The following TSHZ1 variants were observed in gnomAD, a reference collection of about 807,000 sequenced individuals.
TSHZ1 encodes the protein teashirt homolog 1.
A neutral mutation model predicts 67.1 loss-of-function variants in TSHZ1; 12 were observed. That is an observed-to-expected ratio of 0.18 (90% confidence interval 0.11 to 0.29). The LOEUF (loss-of-function observed/expected upper bound fraction) is 0.29, where lower values mean the gene tolerates loss of function less well. TSHZ1 is among the 10% of genes least tolerant of loss of function. The pLI, the probability that TSHZ1 is intolerant of heterozygous loss-of-function variation, is 1.00. For missense variants in TSHZ1, 1,305 were observed against 1,413.9 expected (o/e 0.92, Z 1.23); for synonymous variants, 632 against 622.4 (o/e 1.02, Z -0.23).
intron 1 of TSHZ1, among the ~76,000 whole-genome samples, chr18:75,216,069 C>T (rs1568350782): frequency 6.6e-6 from 1 of 151,992 alleles, no homozygotes; most frequent in Non-Finnish European, 1.5e-5. Context: ...GCGCCGCCTG[C>T]GTATGCTTTC....
chr18:75,288,627 T>C lies in TSHZ1; in HGVS notation c.3220T>C (p.Leu1074=), dbSNP rs1004893094. The stretch of plus-strand genomic sequence containing the variant: ...GGACCACCTGATCTATGTGACTGAG[T>C]TGGAGAAACAGTAGCGTCCAGGTAT... ...PEDHLIYVTE[L]EKQ is the part of the protein sequence containing the mutation. Residue 1074 remains leucine, a synonymous_variant, in exon 2 of 2, where the codon TTG becomes CTG. Transcript: ENST00000580243. This position sits in a 1 kb window ranked among gnomAD's most constrained non-coding sequence, Gnocchi z 4.9. 15 of 1,595,394 alleles carry C rather than the reference T, an allele frequency of 9.4e-6. No individual in the cohort carries two copies. The highest frequency in any genetic ancestry group is 1.3e-5 in the Non-Finnish European group (15 of 1,171,370).
At chr18:75,240,389 T>A (rs1323322268) in intron 1 of TSHZ1, among the ~76,000 whole-genome samples, 1 of 151,616 alleles carries the variant, frequency 6.6e-6, no homozygotes, top group Non-Finnish European at 1.5e-5. Flanking sequence ...TGACCTTTGG[T>A]CAAGCTTGAA....
intron 1 of TSHZ1, among the ~76,000 whole-genome samples, chr18:75,275,559 T>C (rs760322336): frequency 6.6e-6 from 1 of 152,204 alleles, no homozygotes; most frequent in Non-Finnish European, 1.5e-5. Context: ...GATTTCTAAA[T>C]GTTTCTCATT....
intron 1 of TSHZ1, chr18:75,245,206 C>T (rs959431076): frequency 2.6e-5 from 4 of 152,052 alleles, no homozygotes; most frequent in East Asian, 1.9e-4. Context: ...GAAGAGAAAC[C>T]GGATTGACTT....
At chr18:75,233,427 A>G (rs1392015606) in intron 1 of TSHZ1, among the ~76,000 whole-genome samples, 2 of 152,212 alleles carry the variant, frequency 1.3e-5, no homozygotes, top group South Asian at 2.1e-4. Context: ...TATAGTGACA[A>G]TACTAAAAAG....
chr18:75,254,920 C>A (rs2023345077), intron 1 of TSHZ1, among the ~76,000 whole-genome samples: 1 of 152,112 alleles, frequency 6.6e-6, no homozygotes, highest in South Asian at 2.1e-4. Flanking sequence ...GGGTAAACTC[C>A]CAATTATCCA....
intron 1 of TSHZ1, among the ~76,000 whole-genome samples, chr18:75,239,709 G>T (rs1481364450): frequency 6.6e-6 from 1 of 152,128 alleles, no homozygotes; most frequent in Non-Finnish European, 1.5e-5. Flanking sequence ...TTGCTGTATT[G>T]CCCAGGTTGG....
At chr18:75,279,100 G>C (rs893672370) in intron 1 of TSHZ1, among the ~76,000 whole-genome samples, 1 of 152,118 alleles carries the variant, frequency 6.6e-6, no homozygotes, top group Non-Finnish European at 1.5e-5. Context: ...AGAATGGTGA[G>C]GATGTGCTTT....
At chr18:75,253,851 C>G (rs970219491) in intron 1 of TSHZ1, among the ~76,000 whole-genome samples, 15 of 152,218 alleles carry the variant, frequency 9.9e-5, no homozygotes, top group African/African-American at 3.6e-4. Context: ...AGATATTGTT[C>G]AGATGTGCTG....
chr18:75,216,841 T>C (rs2022775037), intron 1 of TSHZ1, among the ~76,000 whole-genome samples: 1 of 152,014 alleles, frequency 6.6e-6, no homozygotes, highest in Non-Finnish European at 1.5e-5. Context: ...GTCAGGATGG[T>C]ATTGGCTTGG....
At chr18:75,278,626 C>T (rs936106237) in intron 1 of TSHZ1, among the ~76,000 whole-genome samples, 1 of 151,862 alleles carries the variant, frequency 6.6e-6, no homozygotes, top group South Asian at 2.1e-4. Context: ...CGTGAAAGAC[C>T]GGGGGTGGAG....
chr18:75,237,862 G>GA (rs1385773605), intron 1 of TSHZ1, among the ~76,000 whole-genome samples: 4 of 151,472 alleles, frequency 2.6e-5, no homozygotes, highest in African/African-American at 9.7e-5. Context: ...GCCCAGGCTG[G>GA]AGTGCAGTGG....
chr18:75,276,498 A>G (rs544284743), intron 1 of TSHZ1, among the ~76,000 whole-genome samples: 7 of 152,160 alleles, frequency 4.6e-5, no homozygotes, highest in African/African-American at 7.2e-5. Flanking sequence ...TCTAACTTTC[A>G]TCAAAACCAC....
At position 75,286,901 on chromosome 18, in the gene TSHZ1, AAAG is replaced by A. The variant is rs2023776290; in HGVS notation, c.1497_1499del (p.Lys500del). On this transcript the variant is annotated inframe_deletion, in exon 2 of 2. Transcript: ENST00000580243. The surrounding 1 kb of genome is among the most constrained non-coding windows in gnomAD (Gnocchi z 5.1). ...CCGCGGGGTCCACGACTTCTGAAGA[AAAG>A]AAAGAGCCAGAGAAGGAGAAGCCGC... 1 of 1,614,094 alleles carries A rather than the reference AAAG, an allele frequency of 6.2e-7. No homozygotes were observed. Among genetic ancestry groups the A allele is most frequent in the Admixed American group, 1.7e-5 (1 of 60,012 alleles).
In TSHZ1 at chr18:75,288,529, T is replaced by C; in HGVS notation, c.3122T>C (p.Leu1041Pro). The change falls in exon 2 of 2, where the codon CTC becomes CCC. Residue 1041 changes from leucine (L) to proline (P), a missense_variant. Around this residue, in one of 3 missense-constraint regions of TSHZ1, gnomAD observed 909 missense variants for 961.8 expected, o/e 0.95. Coordinates refer to ENST00000580243, the MANE Select transcript of TSHZ1 (RefSeq NM_001308210.2). This position sits in a 1 kb window ranked among gnomAD's most constrained non-coding sequence, Gnocchi z 4.9. The stretch of plus-strand genomic sequence containing the variant: ...TTGGGCTCCACATTCCAATGTAAGC[T>C]CTGCAACCGGACTTTTGCGAGCAAG... Reference protein sequence around the residue: ...EDLGSTFQCKLCNRTFASKHA... With the variant: ...EDLGSTFQCKPCNRTFASKHA... The C allele has an allele frequency of 1.2e-6, 2 of 1,614,190 alleles. No homozygotes were observed. The highest frequency in any genetic ancestry group is 1.7e-6 in the Non-Finnish European group (2 of 1,180,032).
intron 1 of TSHZ1, among the ~76,000 whole-genome samples, chr18:75,278,447 C>G (rs899395568): frequency 6.6e-6 from 1 of 152,160 alleles, no homozygotes. Flanking sequence ...GACTCCTGGC[C>G]GCCTTCTCCC....
At chr18:75,238,192 C>G (rs6566064) in intron 1 of TSHZ1, among the ~76,000 whole-genome samples, 6,738 of 152,224 alleles carry the variant, frequency 0.044, 240 homozygotes, top group African/African-American at 0.1. Context: ...TTGCACGTGA[C>G]AGATGGAAGC....
intron 1 of TSHZ1, chr18:75,280,766 C>T (rs940023726): frequency 1.5e-5 from 15 of 985,316 alleles, no homozygotes; most frequent in Admixed American, 6.1e-5. Context: ...GAGCCTGTGC[C>T]GTGTGAGCTG....
intron 1 of TSHZ1, among the ~76,000 whole-genome samples, chr18:75,239,232 G>A (rs147982530): frequency 0.013 from 2,010 of 152,286 alleles, 17 homozygotes; most frequent in South Asian, 0.022. Flanking sequence ...CTCTGTTTAG[G>A]GCCCTGCCAA....
Sources: gnomAD v4.1 joint callset for allele counts (sites outside exome capture counted in the v4.1 genomes callset) on GRCh38, gnomAD v4.1.1 for gene constraint, gnomAD v4.1.1 regional missense constraint, Gnocchi (gnomAD v3.1) non-coding constraint, MANE v1.5 for transcripts, NCBI Gene and HGNC (gene_info 2026-07-23, HGNC 2026-07-21) for gene names.